Variants in PODN observed in about 807,000 individuals in gnomAD.
PODN encodes the protein podocan, also known as podocan proteoglycan.
PODN carries 40 observed loss-of-function variants against 52.7 expected under a neutral mutation model. The ratio of observed to expected loss-of-function variants is 0.76; its 90% CI spans 0.59 to 0.99. The LOEUF (loss-of-function observed/expected upper bound fraction) is 0.99. Ranked by LOEUF, PODN falls within the 50% of genes least tolerant of loss-of-function variation. PODN has a pLI of 0.00. For synonymous variants in PODN, 396 were observed against 377.9 expected (o/e 1.05, Z -0.56); for missense variants, 720 against 815.1 (o/e 0.88, Z 1.42).
chr1:53,074,784 T>G lies in PODN; in HGVS notation c.471+114T>G. 1.2e-5 allele frequency: 8 copies of G among 654,250 alleles called. No individual in the cohort carries two copies. The Middle Eastern group carries it at 9.2e-4, about 75-fold the overall frequency. 40.5% of individuals were successfully genotyped at this position (654,250 alleles called of 1,614,324 possible). A position where few individuals can be genotyped will look rare whatever the true frequency, so the allele number is the denominator to read the frequency against. On this transcript the variant is annotated intron_variant, in intron 4 of 10. Coordinates refer to ENST00000312553, the MANE Select transcript of PODN (RefSeq NM_153703.5). Reference sequence around the variant, plus strand: ...TCTGGACTCCCTGCTGGGTCCTTGTTGCTGCTCAGACATGGCCCTGGGTCG... The same window carrying G: ...TCTGGACTCCCTGCTGGGTCCTTGTGGCTGCTCAGACATGGCCCTGGGTCG...
At chr1:53,071,758 G>A (rs537938357) in intron 3 of PODN, 130 bp downstream of exon 3, 48 of 893,622 alleles carry the variant, frequency 5.4e-5, no homozygotes, top group African/African-American at 1.3e-4. Context: ...GAGCAGGCCC[G>A]GGCCAGGCTA....
rs553009792 is a variant in PODN at position 53,062,587 on chromosome 1, A to G, written c.-56+279A>G. 5.5e-4 allele frequency among the ~76,000 whole-genome samples: 83 copies of G among 152,262 alleles called. 1 individual carries two copies. Among genetic ancestry groups the G allele is most frequent in the African/African-American group, 2.0e-3 (82 of 41,558 alleles). ...CCCCTCCCGCTGCGCACATCTGGAA[A>G]GAATCTGAGGGCGGTTGGGGGCGGG... is the stretch of plus-strand genomic sequence containing the variant. On this transcript the variant is annotated intron_variant, in intron 1 of 10. Transcript: ENST00000312553.
At chr1:53,077,533 G>T in intron 6 of PODN, 152 bp from the exon 7 acceptor site, 1 of 1,139,668 alleles carries the variant, frequency 8.8e-7, no homozygotes, top group Non-Finnish European at 1.2e-6. Context: ...CCAGTGGGTT[G>T]TGTGTGGCGT....
chr1:53,074,368 C>T (rs980477829), intron 3 of PODN, among the ~76,000 whole-genome samples: 3 of 152,254 alleles, frequency 2.0e-5, no homozygotes, highest in Non-Finnish European at 4.4e-5. Context: ...CATCCCCACT[C>T]AGAGCGAGGA....
At chr1:53,077,904 C>A in intron 7 of PODN, 104 bp downstream of exon 7, 4 of 838,580 alleles carry the variant, frequency 4.8e-6, no homozygotes, top group Non-Finnish European at 7.5e-6. Flanking sequence ...ACGTCCCCTG[C>A]CCACCTTCCC....
At chr1:53,077,578 G>A in intron 6 of PODN, 107 bp from the exon 7 acceptor site, 1 of 1,232,020 alleles carries the variant, frequency 8.1e-7, no homozygotes, top group Non-Finnish European at 1.1e-6. Flanking sequence ...TCAGGTCTGG[G>A]TGCCTTCCTG....
intron 3 of PODN, among the ~76,000 whole-genome samples, chr1:53,072,745 G>C (rs114406487): frequency 6.6e-6 from 1 of 152,156 alleles, no homozygotes; most frequent in African/African-American, 2.4e-5. Context: ...ACCATCAAGC[G>C]CATTCAGGTG....
intron 1 of PODN, among the ~76,000 whole-genome samples, chr1:53,067,246 A>T (rs1644047099): frequency 6.6e-6 from 1 of 152,000 alleles, no homozygotes; most frequent in Admixed American, 6.6e-5. Context: ...CTGAGTCTCC[A>T]TCAACCATGT....
In PODN at chr1:53,085,141, T is replaced by TGGCCC. The variant is rs1277932763; in HGVS notation, c.*657_*661dup. The TGGCCC allele has an allele frequency of 6.6e-6, 1 of 152,008 alleles. No homozygotes were observed. The highest frequency in any genetic ancestry group is 2.4e-5 in the African/African-American group (1 of 41,364). 9.4% of individuals were successfully genotyped at this position (152,008 alleles called of 1,614,324 possible). On this transcript the variant is annotated 3_prime_UTR_variant, in exon 11 of 11. Transcript: ENST00000312553. ...AGCCTTCAGGACTGCTGGCCTGGCC[T>TGGCCC]GGCCCACCCTGCTCCTCCAGGTGCT...
In PODN at chr1:53,085,463, A is replaced by G. The variant is rs1173466975; in HGVS notation, c.*978A>G. On this transcript the variant is annotated 3_prime_UTR_variant, in exon 11 of 11. Transcript: ENST00000312553. ...AATCTCAAAGCTGATTTTTCTTGTT[A>G]TAGAAAAACTAATATAAAAGCATTA... is the stretch of plus-strand genomic sequence containing the variant. 6.6e-6 allele frequency: 1 copy of G among 152,224 alleles called. No individual in the cohort carries two copies. Among genetic ancestry groups the G allele is most frequent in the Non-Finnish European group, 1.5e-5 (1 of 68,034 alleles). 9.4% of individuals were successfully genotyped at this position (152,224 alleles called of 1,614,324 possible).
At position 53,077,216 on chromosome 1, in the gene PODN, T is replaced by A; in HGVS notation, c.608T>A (p.Leu203Gln). ...TCTGTGTACCTGCACAACAACAAGCTGGCAGACGCCGGGCTGCCGGACAAC... is the reference window on the plus strand; with the variant it reads ...TCTGTGTACCTGCACAACAACAAGCAGGCAGACGCCGGGCTGCCGGACAAC... ...LRSVYLHNNK[L>Q]ADAGLPDNMF... Residue 203 changes from leucine (L) to glutamine (Q), a missense_variant, in exon 6 of 11, where the codon CTG becomes CAG. Leu to Gln is a moderately radical substitution (Grantham distance 113). Transcript: ENST00000312553. 1 of 1,613,386 alleles carries A rather than the reference T, an allele frequency of 6.2e-7. No individual in the cohort carries two copies. The highest frequency in any genetic ancestry group is 8.5e-7 in the Non-Finnish European group (1 of 1,180,008).
intron 10 of PODN, 97 bp downstream of exon 10, chr1:53,082,285 C>T (rs1226666359): frequency 4.4e-6 from 6 of 1,372,124 alleles, no homozygotes; most frequent in African/African-American, 1.5e-5. Context: ...TTCACCCTCT[C>T]GCCTCTGCTT....
At chr1:53,074,483 G>T in intron 3 of PODN, 123 bp from the exon 4 acceptor site, 1 of 1,068,514 alleles carries the variant, frequency 9.4e-7, no homozygotes, top group Admixed American at 1.7e-5. Context: ...CTTGGGAGGG[G>T]ATCTGAGCTG....
At chr1:53,064,008 C>A (rs755680889) in intron 1 of PODN, among the ~76,000 whole-genome samples, 3 of 152,198 alleles carry the variant, frequency 2.0e-5, no homozygotes. Flanking sequence ...TCTCCCACTC[C>A]GTCCACTTGG....
Position 53,078,432 on chromosome 1 carries a change from C to T in PODN, c.922C>T (p.Pro308Ser). The change falls in exon 8 of 11, where the codon CCG becomes TCG. Residue 308 changes from proline to serine, a missense_variant. Pro to Ser is a moderately conservative substitution (Grantham distance 74, BLOSUM62 -1). Coordinates refer to ENST00000312553, the MANE Select transcript of PODN (RefSeq NM_153703.5). The part of the protein sequence containing the change: ...NNLSRVPAGL[P>S]RSLVLLHLEK... ...CCTGTCTCGGGTCCCAGCTGGGCTG[C>T]CGCGCAGCCTGGTGCTGCTGCACTT... The T allele has an allele frequency of 6.2e-7, 1 of 1,613,520 alleles. No homozygotes were observed. The highest frequency in any genetic ancestry group is 8.5e-7 in the Non-Finnish European group (1 of 1,180,018).
At chr1:53,072,514 C>A (rs1644134236) in intron 3 of PODN, among the ~76,000 whole-genome samples, 1 of 152,158 alleles carries the variant, frequency 6.6e-6, no homozygotes, top group Non-Finnish European at 1.5e-5. Flanking sequence ...AAATAGGACC[C>A]TTATATAACA....
chr1:53,077,704 T>TC lies in PODN; in HGVS notation c.764dup (p.Ala257GlyfsTer20), dbSNP rs1464111568. 1 of 1,612,314 alleles carries TC rather than the reference T, an allele frequency of 6.2e-7. No homozygotes were observed. The highest frequency in any genetic ancestry group is 8.5e-7 in the Non-Finnish European group (1 of 1,179,512). On this transcript the variant is annotated frameshift_variant, in exon 7 of 11. Transcript: ENST00000312553. LOFTEE classifies it high-confidence loss of function. ...CCCCAGAACAACAAGCTGGAGAAGA[T>TC]CCCCCCGGGGGCCTTCAGCGAGCTG...
chr1:53,080,324 G>A (rs1373539400), intron 8 of PODN, among the ~76,000 whole-genome samples: 2 of 152,230 alleles, frequency 1.3e-5, no homozygotes. Flanking sequence ...AGAGTCTGGG[G>A]GATCCCTGGG....
Position 53,082,128 on chromosome 1 carries a change from A to AGAGGAG in PODN, c.1821_1826dup (p.Glu610_Glu611dup). On this transcript the variant is annotated inframe_insertion, in exon 10 of 11. Coordinates refer to ENST00000312553, the MANE Select transcript of PODN (RefSeq NM_153703.5). ...TGGGGAAGGAAAAGGAGGAGGAGGA[A>AGAGGAG]GAGGAGGAGGAGGAGGAAGAGGAAA... The AGAGGAG allele has an allele frequency of 1.9e-6, 3 of 1,610,370 alleles. No homozygotes were observed. Among genetic ancestry groups the AGAGGAG allele is most frequent in the Non-Finnish European group, 2.5e-6 (3 of 1,179,130 alleles).
Sources: allele counts gnomAD v4.1 joint callset (sites outside exome capture counted in the v4.1 genomes callset), GRCh38; gene constraint gnomAD v4.1.1; transcripts MANE v1.5; gene names NCBI Gene and HGNC (gene_info 2026-07-23, HGNC 2026-07-21).